CASC3: variants seen among roughly 807,000 people sequenced by gnomAD.
The protein encoded by CASC3 is protein CASC3.
Under a neutral mutation model 80.5 loss-of-function variants are expected in CASC3, and 30 were observed. That is an observed-to-expected ratio of 0.37 (90% CI 0.28 to 0.51). The LOEUF is 0.51. CASC3 is among the 20% of genes least tolerant of loss of function. The pLI is 0.94. For synonymous variants in CASC3, 312 were observed against 333.6 expected (o/e 0.94, Z 0.70); for missense variants, 824 against 922.2 (o/e 0.89, Z 1.38).
chr17:40,142,770 G>A (rs543175915), intron 3 of CASC3, among the ~76,000 whole-genome samples: 2 of 152,114 alleles, frequency 1.3e-5, no homozygotes, highest in East Asian at 1.9e-4. Flanking sequence ...GCGTGGTGGC[G>A]GGCGCCTGTA....
At chr17:40,141,769 G>A (rs755323713) in intron 3 of CASC3, among the ~76,000 whole-genome samples, 162 bp downstream of exon 3, 6 of 152,176 alleles carry the variant, frequency 3.9e-5, no homozygotes, top group Non-Finnish European at 8.8e-5. Flanking sequence ...GTTCACTTTA[G>A]ACCTAGGGAA....
chr17:40,165,851 C>T (rs761500710), intron 7 of CASC3, among the ~76,000 whole-genome samples: 10 of 151,242 alleles, frequency 6.6e-5, no homozygotes, highest in African/African-American at 1.5e-4. Context: ...CTGCAACCTC[C>T]GCCTCCAGGG....
chr17:40,145,342 T>A (rs1487759044), intron 3 of CASC3, among the ~76,000 whole-genome samples: 1 of 151,584 alleles, frequency 6.6e-6, no homozygotes, highest in Non-Finnish European at 1.5e-5. Flanking sequence ...CTCAGCTAAT[T>A]TTTGTATTTT....
Position 40,163,864 on chromosome 17 carries a change from C to G in CASC3, c.1169C>G (p.Ala390Gly). The change falls in exon 7 of 14, where the codon GCT (alanine) becomes GGT (glycine). Residue 390 changes from alanine to glycine, a missense_variant. Around this residue, in one of 3 missense-constraint regions of CASC3, gnomAD observed 464 missense variants for 506.0 expected, o/e 0.92. Coordinates refer to ENST00000264645, the MANE Select transcript of CASC3 (RefSeq NM_007359.5). ...ASEPPAAAPDAAPPPPDRPIE... is the reference protein window; with the variant it reads ...ASEPPAAAPDGAPPPPDRPIE... ...GAGCCACCAGCTGCTGCTCCTGATGCTGCACCACCACCCCCTGATAGGCCC... is the reference window on the plus strand; with the variant it reads ...GAGCCACCAGCTGCTGCTCCTGATGGTGCACCACCACCCCCTGATAGGCCC... The G allele has an allele frequency of 6.2e-7, 1 of 1,614,202 alleles. No homozygotes were observed. Among genetic ancestry groups the G allele is most frequent in the Non-Finnish European group, 8.5e-7 (1 of 1,180,038 alleles).
intron 3 of CASC3, among the ~76,000 whole-genome samples, chr17:40,148,030 A>C (rs766329465): frequency 6.6e-6 from 1 of 151,784 alleles, no homozygotes; most frequent in Non-Finnish European, 1.5e-5. Flanking sequence ...ATTTTTTCTT[A>C]TTATAACTTT....
intron 3 of CASC3, among the ~76,000 whole-genome samples, chr17:40,143,371 G>GGGAGGT (rs1369138237): frequency 3.3e-5 from 5 of 150,914 alleles, no homozygotes; most frequent in African/African-American, 1.2e-4. Flanking sequence ...CCTTGAGCCT[G>GGGAGGT]GGAGGTGGAG....
chr17:40,154,111 T>G (rs1168819008), intron 3 of CASC3, among the ~76,000 whole-genome samples: 2 of 151,510 alleles, frequency 1.3e-5, no homozygotes, highest in Non-Finnish European at 2.9e-5. Context: ...GAGCGTTTTT[T>G]TTTTTTTTTT....
intron 3 of CASC3, among the ~76,000 whole-genome samples, chr17:40,146,848 G>A (rs1271906371): frequency 6.6e-6 from 1 of 152,154 alleles, no homozygotes; most frequent in Non-Finnish European, 1.5e-5. Flanking sequence ...CTCCCAAAGT[G>A]CTGGGATTAC....
At chr17:40,145,876 C>T (rs762416363) in intron 3 of CASC3, among the ~76,000 whole-genome samples, 28 of 151,782 alleles carry the variant, frequency 1.8e-4, no homozygotes, top group Non-Finnish European at 3.2e-4. Context: ...AGTGATCTGC[C>T]GGTCTTGGTT....
In CASC3 at chr17:40,171,160, A is replaced by C. The variant is rs1182951695; in HGVS notation, c.*755A>C. ...GCCCTTCTCTTTGACTTAGGTTTTTAGGAGTCTGAGCATCCATCAATACCT... is the reference window on the plus strand; with the variant it reads ...GCCCTTCTCTTTGACTTAGGTTTTTCGGAGTCTGAGCATCCATCAATACCT... On this transcript the variant is annotated 3_prime_UTR_variant, in exon 14 of 14. Transcript: ENST00000264645. The C allele has an allele frequency of 1.0e-6, 1 of 985,826 alleles. No individual in the cohort carries two copies. Among genetic ancestry groups the C allele is most frequent in the Non-Finnish European group, 1.2e-6 (1 of 829,964 alleles). 61.1% of individuals were successfully genotyped at this position (985,826 alleles called of 1,614,324 possible).
chr17:40,169,285 A>C, intron 11 of CASC3, 39 bp from the exon 12 acceptor site: 2 of 1,492,704 alleles, frequency 1.3e-6, no homozygotes, highest in Non-Finnish European at 8.9e-7. Context: ...GGATGAATTC[A>C]TTCCTAACTT....
At chr17:40,155,450 C>G (rs1358984959) in intron 3 of CASC3, among the ~76,000 whole-genome samples, 2 of 152,060 alleles carry the variant, frequency 1.3e-5, no homozygotes, top group Non-Finnish European at 2.9e-5. Flanking sequence ...AAAAGTGGAG[C>G]AGTTTTACTT....
Position 40,165,090 on chromosome 17 carries a change from T to G in CASC3, c.1471+924T>G, listed in dbSNP as rs1243142292. Among the ~76,000 whole-genome samples, 4 of 151,488 alleles carry G rather than the reference T, an allele frequency of 2.6e-5. No individual in the cohort carries two copies. The South Asian group carries it at 8.4e-4, about 32-fold the overall frequency. On this transcript the variant is annotated intron_variant, in intron 7 of 13. Transcript: ENST00000264645. ...CGCCCACCACCGCGACTGGCTAGTT[T>G]TTTTTTTTGTATTTTTAGTAGAGAC...
intron 3 of CASC3, among the ~76,000 whole-genome samples, chr17:40,143,779 G>A (rs934298497): frequency 4.0e-5 from 6 of 149,064 alleles, no homozygotes; most frequent in East Asian, 4.1e-4. Context: ...GCAGTGAGCC[G>A]AAATCAAGCC....
Position 40,163,655 on chromosome 17 carries a change from G to C in CASC3, c.960G>C (p.Lys320Asn), listed in dbSNP as rs765901749. 2 of 1,614,140 alleles carry C rather than the reference G, an allele frequency of 1.2e-6. No homozygotes were observed. The highest frequency in any genetic ancestry group is 2.2e-5 in the South Asian group (2 of 91,082). Residue 320 changes from lysine to asparagine, a missense_variant, in exon 7 of 14, where the codon AAG becomes AAC. Around this residue, in one of 3 missense-constraint regions of CASC3, gnomAD observed 464 missense variants for 506.0 expected, o/e 0.92. Coordinates refer to ENST00000264645, the MANE Select transcript of CASC3 (RefSeq NM_007359.5). ...PRNYSRSGGF[K>N]EGRAGFRPVE... ...ATTATTCTCGATCTGGGGGCTTCAA[G>C]GAAGGTCGTGCTGGTTTTAGGCCTG...
chr17:40,141,771 C>T (rs565561798), intron 3 of CASC3, among the ~76,000 whole-genome samples, 164 bp downstream of exon 3: 2 of 152,262 alleles, frequency 1.3e-5, no homozygotes, highest in South Asian at 2.1e-4. Context: ...TCACTTTAGA[C>T]CTAGGGAAAA....
chr17:40,146,603 A>AT (rs987760403), intron 3 of CASC3, among the ~76,000 whole-genome samples: 8 of 150,378 alleles, frequency 5.3e-5, no homozygotes, highest in East Asian at 2.0e-4. Flanking sequence ...TGCCTGGCTG[A>AT]TTTTTTTTGT....
At chr17:40,152,006 C>T (rs779284209) in intron 3 of CASC3, among the ~76,000 whole-genome samples, 35 of 152,282 alleles carry the variant, frequency 2.3e-4, no homozygotes, top group Middle Eastern at 6.8e-3. Flanking sequence ...TATATGTGTA[C>T]ATTGTGGAGT....
intron 6 of CASC3, 123 bp from the exon 7 acceptor site, chr17:40,163,358 C>T: frequency 1.3e-6 from 1 of 763,024 alleles, no homozygotes; most frequent in African/African-American, 1.7e-5. Flanking sequence ...TGGTCTTGAA[C>T]TCCTGGCCTC....
Sources: allele counts gnomAD v4.1 joint callset (sites outside exome capture counted in the v4.1 genomes callset), GRCh38; gene constraint gnomAD v4.1.1; regional missense constraint gnomAD v4.1.1; transcripts MANE v1.5; gene names NCBI Gene and HGNC (gene_info 2026-07-23, HGNC 2026-07-21).